Variants in RAPGEF2 observed in about 807,000 individuals in gnomAD.
RAPGEF2 encodes the protein Rap guanine nucleotide exchange factor 2.
RAPGEF2 carries 54 observed loss-of-function variants against 186.7 expected under a neutral mutation model. The ratio of observed to expected loss-of-function variants is 0.29; its 90% confidence interval spans 0.23 to 0.36. The LOEUF is 0.36. RAPGEF2 is among the 10% of genes least tolerant of loss of function. The pLI is 1.00. For missense variants in RAPGEF2, 1,532 were observed against 2,045.0 expected (o/e 0.75, Z 4.84); for synonymous variants, 712 against 705.9 (o/e 1.01, Z -0.14).
At chr4:159,205,960 G>A (rs191456749) in intron 3 of RAPGEF2, among the ~76,000 whole-genome samples, 645 of 149,940 alleles carry the variant, frequency 4.3e-3, no homozygotes, top group Admixed American at 0.012. Context: ...ACAGAGTGTC[G>A]CCCTGTCACC....
At chr4:159,328,308 GTTTA>G (rs1253445609) in intron 11 of RAPGEF2, 4 of 152,006 alleles carry the variant, frequency 2.6e-5, no homozygotes, top group African/African-American at 9.7e-5. Flanking sequence ...AATGTTAACA[GTTTA>G]TTTATAAAAT....
At chr4:159,322,319 T>C (rs375067025) in intron 9 of RAPGEF2, 28 bp from the exon 10 acceptor site, 6 of 1,603,488 alleles carry the variant, frequency 3.7e-6, no homozygotes, top group Non-Finnish European at 4.3e-6. Flanking sequence ...AGTAGTAGTT[T>C]TTACAAAGTA....
At chr4:159,273,983 G>A (rs78482037) in intron 7 of RAPGEF2, among the ~76,000 whole-genome samples, 1 of 152,116 alleles carries the variant, frequency 6.6e-6, no homozygotes, top group East Asian at 1.9e-4. Context: ...GTACAGGTGG[G>A]GTTTCGCCAT....
chr4:159,265,110 G>GGATTAAC (rs1757284899), intron 7 of RAPGEF2, among the ~76,000 whole-genome samples: 1 of 152,136 alleles, frequency 6.6e-6, no homozygotes, highest in African/African-American at 2.4e-5. Flanking sequence ...CTAGTCTAGA[G>GGATTAAC]GATTAAATGG....
At chr4:159,272,240 A>G (rs576225230) in intron 7 of RAPGEF2, among the ~76,000 whole-genome samples, 221 of 152,332 alleles carry the variant, frequency 1.5e-3, no homozygotes, top group Non-Finnish European at 2.6e-3. Flanking sequence ...TTCATCATAC[A>G]TAAGCCCCTT....
At chr4:159,324,417 G>A (rs1004465015) in intron 11 of RAPGEF2, among the ~76,000 whole-genome samples, 5 of 152,154 alleles carry the variant, frequency 3.3e-5, no homozygotes, top group Non-Finnish European at 7.3e-5. Context: ...TGAACTGCAC[G>A]TAACTATGTG....
chr4:159,330,644 CAAA>C (rs200543450), intron 13 of RAPGEF2, 146 bp downstream of exon 13: 3 of 572,136 alleles, frequency 5.2e-6, no homozygotes, highest in Non-Finnish European at 5.7e-6. Flanking sequence ...AACAAAAAAA[CAAA>C]AAAAAAGGTG....
chr4:159,210,063 G>A (rs1297780523), intron 3 of RAPGEF2, among the ~76,000 whole-genome samples: 1 of 152,196 alleles, frequency 6.6e-6, no homozygotes. Flanking sequence ...GTCCATTATT[G>A]TGTGCATATA....
chr4:159,237,187 A>G (rs1479623104), intron 4 of RAPGEF2, among the ~76,000 whole-genome samples: 1 of 151,746 alleles, frequency 6.6e-6, no homozygotes, highest in Non-Finnish European at 1.5e-5. Flanking sequence ...TGCCTGGCTA[A>G]TTTTTGTATT....
chr4:159,263,503 A>G (rs138544675), intron 7 of RAPGEF2, among the ~76,000 whole-genome samples: 262 of 152,232 alleles, frequency 1.7e-3, no homozygotes, highest in African/African-American at 5.7e-3. Context: ...CCCAGCCTCT[A>G]TGGTTTTTCC....
intron 7 of RAPGEF2, among the ~76,000 whole-genome samples, chr4:159,292,245 T>C (rs1761337325): frequency 6.6e-6 from 1 of 152,168 alleles, no homozygotes; most frequent in Non-Finnish European, 1.5e-5. Context: ...TCCCTCTCCT[T>C]GTCAGAGCTT....
chr4:159,331,483 G>A lies in RAPGEF2; in HGVS notation c.1520G>A (p.Gly507Glu). 2 of 1,613,460 alleles carry A rather than the reference G, an allele frequency of 1.2e-6. No homozygotes were observed. Among genetic ancestry groups the A allele is most frequent in the South Asian group, 1.1e-5 (1 of 91,038 alleles). ...AATAATCACTTCAATGACTTTGAAGGAGATCCTGCAATGACTCGATTTTTA... is the reference window on the plus strand; with the variant it reads ...AATAATCACTTCAATGACTTTGAAGAAGATCCTGCAATGACTCGATTTTTA... Reference protein sequence around the residue: ...WVNNHFNDFEGDPAMTRFLEE... With the variant: ...WVNNHFNDFEEDPAMTRFLEE... Residue 507 changes from glycine to glutamate, a missense_variant, in exon 14 of 30, where the codon GGA (glycine) becomes GAA (glutamate). By Grantham distance (98) the Gly-to-Glu change is moderately conservative. Around this residue, in one of 4 missense-constraint regions of RAPGEF2, gnomAD observed 810 missense variants for 1,210.5 expected, o/e 0.67. Transcript: ENST00000691494.
intron 1 of RAPGEF2, among the ~76,000 whole-genome samples, chr4:159,125,443 T>C (rs576283988): frequency 6.6e-6 from 1 of 152,184 alleles, no homozygotes; most frequent in Non-Finnish European, 1.5e-5. Flanking sequence ...TGCTACTTCT[T>C]GGAAACCACA....
intron 24 of RAPGEF2, among the ~76,000 whole-genome samples, chr4:159,346,279 T>C (rs1730294343): frequency 6.6e-6 from 1 of 152,244 alleles, no homozygotes; most frequent in South Asian, 2.1e-4. Flanking sequence ...AGTATGATAC[T>C]GAAGCATTAT....
chr4:159,179,743 G>A (rs1746820473), intron 1 of RAPGEF2, among the ~76,000 whole-genome samples: 1 of 152,166 alleles, frequency 6.6e-6, no homozygotes, highest in Non-Finnish European at 1.5e-5. Flanking sequence ...AAGGAGTGGG[G>A]GTAGCTCCTG....
chr4:159,254,064 T>C (rs1339978405), intron 7 of RAPGEF2, among the ~76,000 whole-genome samples: 4 of 152,248 alleles, frequency 2.6e-5, no homozygotes, highest in Non-Finnish European at 1.5e-5. Context: ...TTATGCAAAC[T>C]TCTCGCTTCA....
intron 1 of RAPGEF2, among the ~76,000 whole-genome samples, chr4:159,132,496 G>T (rs1741218270): frequency 1.3e-5 from 2 of 152,178 alleles, no homozygotes. Flanking sequence ...CATAGAAAGG[G>T]CTGTCTCTCC....
At chr4:159,239,250 C>G (rs2111467677) in intron 5 of RAPGEF2, among the ~76,000 whole-genome samples, 1 of 152,226 alleles carries the variant, frequency 6.6e-6, no homozygotes. Context: ...TACTTTAAAT[C>G]AATCACTAGG....
At position 159,310,856 on chromosome 4, in the gene RAPGEF2, C is replaced by T. The variant is rs188217593; in HGVS notation, c.676-3735C>T. On this transcript the variant is annotated intron_variant, in intron 8 of 29. Coordinates refer to ENST00000691494, the MANE Select transcript of RAPGEF2 (RefSeq NM_001394067.2). ...AAAGGGTTTAAAGACATGCGTGAGT[C>T]TTAGTAGTGTTGTTATTTGGAGGAA... 1.2e-4 allele frequency among the ~76,000 whole-genome samples: 18 copies of T among 152,116 alleles called. No homozygotes were observed. The East Asian group carries it at 3.5e-3, about 29-fold the overall frequency.
Sources: gnomAD v4.1 joint callset for allele counts (sites outside exome capture counted in the v4.1 genomes callset) on GRCh38, gnomAD v4.1.1 for gene constraint, gnomAD v4.1.1 regional missense constraint, MANE v1.5 for transcripts, NCBI Gene and HGNC (gene_info 2026-07-23, HGNC 2026-07-21) for gene names.